The following MRTFB variants were observed in gnomAD, a reference collection of about 807,000 sequenced individuals.
The protein encoded by MRTFB is myocardin related transcription factor B, also known as myocardin-related transcription factor B.
A neutral mutation model predicts 104.2 loss-of-function variants in MRTFB; 29 were observed. The observed-to-expected ratio is 0.28, with a 90% CI of 0.21 to 0.38. The LOEUF is 0.38. Among genes scored for constraint, MRTFB ranks in the 10% least tolerant of loss-of-function variants. The pLI, the probability that MRTFB is intolerant of heterozygous loss-of-function variation, is 1.00. For synonymous variants in MRTFB, 535 were observed against 519.5 expected (o/e 1.03, Z -0.41); for missense variants, 1,270 against 1,341.6 (o/e 0.95, Z 0.83).
At chr16:14,013,901 C>T in the MRTFB span, among the ~76,000 whole-genome samples, 2 of 152,202 alleles carry the variant, frequency 1.3e-5, no homozygotes, top group African/African-American at 2.4e-5. Context: ...CCTGATCTTG[C>T]CTCCAGCATG....
intron 2 of MRTFB, among the ~76,000 whole-genome samples, chr16:14,112,582 T>G (rs1187503337): frequency 6.6e-6 from 1 of 152,376 alleles, no homozygotes; most frequent in East Asian, 1.9e-4. Flanking sequence ...GCTTCTTCTC[T>G]TATTCCACCA....
the MRTFB span, among the ~76,000 whole-genome samples, chr16:14,059,454 G>A: frequency 6.6e-6 from 1 of 152,084 alleles, no homozygotes; most frequent in Admixed American, 6.6e-5. Flanking sequence ...AGGTGGTCAT[G>A]GCTGATATTT....
chr16:14,127,922 TATATA>T lies in MRTFB; in HGVS notation c.-63-12621_-63-12617del, dbSNP rs1567355855. ...CTGAATATATATATATATATATATA[TATATA>T]TATTTTTTTTTTTTTTTTTTTTTTC... On this transcript the variant is annotated intron_variant, in intron 2 of 16. Transcript: ENST00000571589. Among the ~76,000 whole-genome samples, 102 of 43,526 alleles carry T rather than the reference TATATA, an allele frequency of 2.3e-3. No individual in the cohort carries two copies. The African/African-American group carries it at 0.029, about 12-fold the overall frequency. 28.6% of individuals were successfully genotyped at this position (43,526 alleles called of 152,430 possible).
intron 3 of MRTFB, chr16:14,149,343 A>G (rs1289903559): frequency 6.6e-6 from 1 of 152,228 alleles, no homozygotes; most frequent in Non-Finnish European, 1.5e-5. Context: ...AAAAGCAAAA[A>G]GTCTGATTCA....
intron 2 of MRTFB, among the ~76,000 whole-genome samples, chr16:14,080,545 A>G (rs973788124): frequency 6.6e-6 from 1 of 152,234 alleles, no homozygotes; most frequent in Non-Finnish European, 1.5e-5. Flanking sequence ...ACAGTATATC[A>G]TAATTAACAA....
At chr16:14,158,483 G>T (rs2038908617) in intron 3 of MRTFB, among the ~76,000 whole-genome samples, 1 of 152,080 alleles carries the variant, frequency 6.6e-6, no homozygotes. Flanking sequence ...TAGCTAATGA[G>T]GTATAAAGTT....
the MRTFB span, among the ~76,000 whole-genome samples, chr16:14,039,798 G>T: frequency 6.9e-6 from 1 of 144,996 alleles, no homozygotes; most frequent in Non-Finnish European, 1.5e-5. Context: ...GCCCAGGCTG[G>T]AGTGCAATGA....
chr16:14,097,389 T>A (rs1392867215), intron 2 of MRTFB, among the ~76,000 whole-genome samples: 4 of 152,320 alleles, frequency 2.6e-5, no homozygotes, highest in Admixed American at 1.3e-4. Flanking sequence ...TTGTTCACTT[T>A]CCCATCCAGT....
At chr16:14,025,674 A>G in the MRTFB span, among the ~76,000 whole-genome samples, 8 of 151,480 alleles carry the variant, frequency 5.3e-5, no homozygotes, top group Admixed American at 2.0e-4. Context: ...GGGACATGGA[A>G]GTCTGTGAGG....
intron 3 of MRTFB, among the ~76,000 whole-genome samples, chr16:14,167,553 A>T (rs2039286318): frequency 6.6e-6 from 1 of 151,928 alleles, no homozygotes; most frequent in Non-Finnish European, 1.5e-5. Context: ...ATTGCTTTTG[A>T]TGTTTTCATT....
intron 2 of MRTFB, among the ~76,000 whole-genome samples, chr16:14,081,848 T>C (rs1416826454): frequency 2.0e-5 from 3 of 152,250 alleles, no homozygotes; most frequent in East Asian, 3.8e-4. Flanking sequence ...CCCAAAGTGC[T>C]GGGATTATAG....
chr16:14,256,900 A>G (rs956643952), intron 15 of MRTFB, among the ~76,000 whole-genome samples: 2 of 152,382 alleles, frequency 1.3e-5, no homozygotes, highest in Admixed American at 1.3e-4. Context: ...ATGCAAACAG[A>G]CAGCAGAAGA....
chr16:14,104,280 ACTTTCT>A (rs1179281244), intron 2 of MRTFB, among the ~76,000 whole-genome samples: 1 of 152,194 alleles, frequency 6.6e-6, no homozygotes, highest in Non-Finnish European at 1.5e-5. Flanking sequence ...TAGAATGAGC[ACTTTCT>A]CTTTCATTAC....
chr16:14,216,912 C>T (rs1301056811), intron 6 of MRTFB, among the ~76,000 whole-genome samples: 1 of 152,130 alleles, frequency 6.6e-6, no homozygotes, highest in South Asian at 2.1e-4. Flanking sequence ...CTGTGGGCAT[C>T]CAAATTACAT....
At chr16:14,108,771 G>A (rs7188534) in intron 2 of MRTFB, among the ~76,000 whole-genome samples, 9,040 of 152,240 alleles carry the variant, frequency 0.059, 437 homozygotes, top group African/African-American at 0.13. Flanking sequence ...CTTATTATGT[G>A]TGTGTTCATA....
At chr16:14,202,754 C>G (rs549107836) in intron 3 of MRTFB, among the ~76,000 whole-genome samples, 1 of 152,268 alleles carries the variant, frequency 6.6e-6, no homozygotes, top group East Asian at 1.9e-4. Flanking sequence ...CAAGTCCTTA[C>G]CTGATTAAAC....
intron 2 of MRTFB, among the ~76,000 whole-genome samples, chr16:14,101,629 A>G (rs1218500562): frequency 6.6e-6 from 1 of 152,158 alleles, no homozygotes; most frequent in Non-Finnish European, 1.5e-5. Flanking sequence ...GGTCATGGTA[A>G]CTGTAGCTGT....
chr16:14,119,956 T>C (rs1466124130), intron 2 of MRTFB, among the ~76,000 whole-genome samples: 1 of 152,212 alleles, frequency 6.6e-6, no homozygotes, highest in Non-Finnish European at 1.5e-5. Context: ...CTGACAGCAC[T>C]GTCTCAGAAT....
chr16:14,033,513 C>T, the MRTFB span, among the ~76,000 whole-genome samples: 2 of 151,966 alleles, frequency 1.3e-5, no homozygotes, highest in Non-Finnish European at 1.5e-5. Flanking sequence ...TCTTTCCAGC[C>T]TGGGTGACAG....
Sources: allele counts gnomAD v4.1 joint callset (sites outside exome capture counted in the v4.1 genomes callset), GRCh38; gene constraint gnomAD v4.1.1; transcripts MANE v1.5; gene names NCBI Gene and HGNC (gene_info 2026-07-23, HGNC 2026-07-21).